NOL4: variants seen among roughly 807,000 people sequenced by gnomAD.
NOL4 encodes the protein nucleolar protein 4.
Under a neutral mutation model 75.9 loss-of-function variants are expected in NOL4, and 17 were observed. That is an observed-to-expected ratio of 0.22 (90% CI 0.15 to 0.34). The LOEUF (loss-of-function observed/expected upper bound fraction) is 0.34, where lower values mean the gene tolerates loss of function less well. Among genes scored for constraint, NOL4 ranks in the 10% least tolerant of loss-of-function variants. NOL4 has a pLI of 1.00. For missense variants in NOL4, 614 were observed against 793.5 expected (o/e 0.77, Z 2.72); for synonymous variants, 292 against 289.9 (o/e 1.01, Z -0.07).
intron 5 of NOL4, among the ~76,000 whole-genome samples, chr18:34,082,549 G>C (rs1184059817): frequency 2.0e-5 from 3 of 152,096 alleles, no homozygotes; most frequent in South Asian, 2.1e-4. Flanking sequence ...TTGAATGAGA[G>C]TTTATATGGT....
intron 1 of NOL4, among the ~76,000 whole-genome samples, chr18:34,201,129 G>T (rs1325989875): frequency 6.6e-6 from 1 of 151,612 alleles, no homozygotes. Flanking sequence ...GGGGACAGAG[G>T]AAGAGAAAGG....
chr18:33,863,864 T>A (rs564459774), intron 10 of NOL4, among the ~76,000 whole-genome samples: 1 of 152,276 alleles, frequency 6.6e-6, no homozygotes, highest in East Asian at 1.9e-4. Context: ...TGCAGCAGAC[T>A]TCTGCCTGGA....
intron 6 of NOL4, among the ~76,000 whole-genome samples, chr18:33,962,634 A>C (rs887729020): frequency 6.6e-5 from 10 of 152,194 alleles, no homozygotes; most frequent in Non-Finnish European, 2.9e-5. Context: ...AATCAGCATA[A>C]TATCTTTACA....
chr18:34,110,997 A>T (rs965072261), intron 2 of NOL4, among the ~76,000 whole-genome samples: 1 of 152,176 alleles, frequency 6.6e-6, no homozygotes, highest in African/African-American at 2.4e-5. Context: ...ATACAATGAA[A>T]ACTATAAAAA....
chr18:34,223,022 T>TGGC lies in NOL4; in HGVS notation c.229_231dup (p.Ala77dup), dbSNP rs772152771. 2 of 1,609,964 alleles carry TGGC rather than the reference T, an allele frequency of 1.2e-6. No homozygotes were observed. The highest frequency in any genetic ancestry group is 2.2e-5 in the East Asian group (1 of 44,664). ...TTGACAGGCACGTAGAGCACTTGCT[T>TGGC]GGCGCCGCCGCCTCCCCCGCGGACC... On this transcript the variant is annotated inframe_insertion, in exon 1 of 11. Coordinates refer to ENST00000261592, the MANE Select transcript of NOL4 (RefSeq NM_003787.5).
intron 4 of NOL4, among the ~76,000 whole-genome samples, chr18:34,103,241 C>T (rs1184221095): frequency 1.3e-5 from 2 of 151,926 alleles, no homozygotes. Flanking sequence ...ATATAAATAA[C>T]CTGAATGCAT....
intron 1 of NOL4, among the ~76,000 whole-genome samples, chr18:34,179,326 A>G (rs1211758567): frequency 6.6e-6 from 1 of 151,486 alleles, no homozygotes; most frequent in African/African-American, 2.4e-5. Context: ...ACTAAACTCA[A>G]GACAAGCAGA....
chr18:34,208,627 A>G (rs748628677), intron 1 of NOL4, among the ~76,000 whole-genome samples: 38 of 152,134 alleles, frequency 2.5e-4, no homozygotes, highest in East Asian at 9.7e-4. Context: ...TTGGGAGGCC[A>G]AGGTGGATCA....
rs770119369 is a variant in NOL4, at chr18:33,902,155, G to GT, written c.1543-18732dup. On this transcript the variant is annotated intron_variant, in intron 9 of 10. Transcript: ENST00000261592. ...AAACAATTTTGATGTGATTCAGTTA[G>GT]TTTTTTTTTTAAAAGGGAATTATTT... 1.3e-3 allele frequency among the ~76,000 whole-genome samples: 191 copies of GT among 149,194 alleles called. 1 individual carries two copies. Among genetic ancestry groups the GT allele is most frequent in the South Asian group, 6.0e-3 (28 of 4,696 alleles).
chr18:34,222,746 G>C (rs1350049318), intron 1 of NOL4, among the ~76,000 whole-genome samples: 2 of 151,974 alleles, frequency 1.3e-5, no homozygotes, highest in East Asian at 3.9e-4. Flanking sequence ...AACCCGAGGC[G>C]GGGAGGGAGG....
chr18:33,979,206 G>A (rs2071745165), intron 6 of NOL4, among the ~76,000 whole-genome samples: 2 of 151,950 alleles, frequency 1.3e-5, no homozygotes, highest in Admixed American at 1.3e-4. Flanking sequence ...TCACATGCTT[G>A]TTCATAAGGA....
In NOL4 at chr18:34,186,902, C is replaced by T. The variant is rs80091246; in HGVS notation, c.264+36088G>A. 2.4e-3 allele frequency among the ~76,000 whole-genome samples: 362 copies of T among 152,162 alleles called. 1 individual carries two copies. Among genetic ancestry groups the T allele is most frequent in the Non-Finnish European group, 4.3e-3 (290 of 67,986 alleles). On this transcript the variant is annotated intron_variant, in intron 1 of 10. Transcript: ENST00000261592. ...CAGCCAAACTGGATAGAAGGTTCAC[C>T]GCAAAACTGGACAGAAAGTAAAGAG...
At chr18:34,125,539 A>G (rs1410033786) in intron 2 of NOL4, among the ~76,000 whole-genome samples, 1 of 152,178 alleles carries the variant, frequency 6.6e-6, no homozygotes, top group Non-Finnish European at 1.5e-5. Flanking sequence ...TCTATTTAGC[A>G]ATAGAGACAG....
chr18:33,957,127 A>G (rs1362793828), intron 8 of NOL4, among the ~76,000 whole-genome samples, 199 bp downstream of exon 8: 1 of 152,154 alleles, frequency 6.6e-6, no homozygotes, highest in Non-Finnish European at 1.5e-5. Flanking sequence ...GATATTCCTT[A>G]TTAAATAAAC....
intron 10 of NOL4, among the ~76,000 whole-genome samples, chr18:33,880,470 C>A (rs1300851013): frequency 1.3e-5 from 2 of 151,970 alleles, no homozygotes; most frequent in Non-Finnish European, 2.9e-5. Context: ...AAATTTCTGA[C>A]TTTAGACTCC....
At chr18:33,862,193 G>T (rs959896956) in intron 10 of NOL4, among the ~76,000 whole-genome samples, 16 of 152,154 alleles carry the variant, frequency 1.1e-4, no homozygotes, top group Middle Eastern at 3.4e-3. Context: ...TTAATAAATG[G>T]TGCTGGGAAA....
At chr18:34,060,806 C>T (rs539335518) in intron 5 of NOL4, among the ~76,000 whole-genome samples, 7 of 152,266 alleles carry the variant, frequency 4.6e-5, no homozygotes, top group African/African-American at 1.7e-4. Flanking sequence ...GACTACATAA[C>T]CTGAGGCAAT....
At chr18:33,963,823 C>T (rs2070352009) in intron 6 of NOL4, among the ~76,000 whole-genome samples, 1 of 152,062 alleles carries the variant, frequency 6.6e-6, no homozygotes, top group Non-Finnish European at 1.5e-5. Context: ...TTGAAAATTC[C>T]CACTTGAAGG....
At chr18:34,153,915 A>C (rs572193740) in intron 1 of NOL4, among the ~76,000 whole-genome samples, 1 of 152,142 alleles carries the variant, frequency 6.6e-6, no homozygotes, top group East Asian at 1.9e-4. Flanking sequence ...TACAGGAAGT[A>C]AATCGGACCC....
Sources: allele counts gnomAD v4.1 joint callset (sites outside exome capture counted in the v4.1 genomes callset), GRCh38; gene constraint gnomAD v4.1.1; transcripts MANE v1.5; gene names NCBI Gene and HGNC (gene_info 2026-07-23, HGNC 2026-07-21).